STXBP5L: variants seen among roughly 807,000 people sequenced by gnomAD.
STXBP5L encodes the protein syntaxin binding protein 5L.
A neutral mutation model predicts 144.5 loss-of-function variants in STXBP5L; 65 were observed. That is an observed-to-expected ratio of 0.45 (90% CI 0.37 to 0.55). The LOEUF is 0.55. STXBP5L is among the 20% of genes least tolerant of loss of function. STXBP5L has a pLI of 0.00. For synonymous variants in STXBP5L, 505 were observed against 469.6 expected, an observed-to-expected ratio of 1.08 and a Z score of -0.97; for missense variants, 1,298 against 1,405.5, an observed-to-expected ratio of 0.92 and a Z score of 1.22.
chr3:121,034,145 A>G (rs896304729), intron 3 of STXBP5L, among the ~76,000 whole-genome samples: 1 of 151,988 alleles, frequency 6.6e-6, no homozygotes. Flanking sequence ...TTTTTTTCTG[A>G]AATTTATATA....
chr3:121,029,351 C>A (rs575350243), intron 3 of STXBP5L, among the ~76,000 whole-genome samples: 2 of 151,892 alleles, frequency 1.3e-5, no homozygotes, highest in Non-Finnish European at 2.9e-5. Context: ...CAATGGAACA[C>A]AACAGAGGCC....
At chr3:120,963,141 G>T (rs1939077938) in intron 3 of STXBP5L, among the ~76,000 whole-genome samples, 1 of 152,198 alleles carries the variant, frequency 6.6e-6, no homozygotes, top group Non-Finnish European at 1.5e-5. Flanking sequence ...CTGAGACTTT[G>T]CTGAAGTTGC....
At chr3:120,987,285 G>A (rs1021218175) in intron 3 of STXBP5L, among the ~76,000 whole-genome samples, 3 of 151,884 alleles carry the variant, frequency 2.0e-5, no homozygotes, top group Admixed American at 6.6e-5. Flanking sequence ...CCAGAATATT[G>A]TATTATCAGT....
At chr3:121,157,757 T>A in intron 9 of STXBP5L, 130 bp downstream of exon 9, 1 of 1,232,468 alleles carries the variant, frequency 8.1e-7, no homozygotes, top group Non-Finnish European at 1.1e-6. Flanking sequence ...AAACATCCCT[T>A]TTATACCACC....
intron 20 of STXBP5L, among the ~76,000 whole-genome samples, chr3:121,355,492 G>A (rs1035812683): frequency 6.6e-6 from 1 of 152,024 alleles, no homozygotes; most frequent in African/African-American, 2.4e-5. Context: ...ATTGAATCTT[G>A]TGCATGCATC....
intron 2 of STXBP5L, among the ~76,000 whole-genome samples, chr3:120,927,505 G>A (rs1425106167): frequency 6.6e-6 from 1 of 152,168 alleles, no homozygotes; most frequent in Non-Finnish European, 1.5e-5. Flanking sequence ...GTAGAGACAG[G>A]GCTCCTGTTA....
intron 7 of STXBP5L, among the ~76,000 whole-genome samples, chr3:121,150,787 CA>C (rs2045904207): frequency 6.6e-6 from 1 of 152,000 alleles, no homozygotes; most frequent in Admixed American, 6.6e-5. Flanking sequence ...CTCATACACT[CA>C]ATAAAGTTGG....
At chr3:121,032,446 T>C (rs1329356453) in intron 3 of STXBP5L, among the ~76,000 whole-genome samples, 1 of 152,128 alleles carries the variant, frequency 6.6e-6, no homozygotes, top group African/African-American at 2.4e-5. Context: ...GGTAATAAAT[T>C]CATGTGTTTT....
At chr3:121,275,193 T>C (rs964343334) in intron 18 of STXBP5L, among the ~76,000 whole-genome samples, 5 of 152,270 alleles carry the variant, frequency 3.3e-5, no homozygotes, top group African/African-American at 9.6e-5. Flanking sequence ...CCTCAAACTT[T>C]CTTATTTTTC....
Position 121,419,190 on chromosome 3 carries a change from C to A in STXBP5L, c.*93C>A. 1.6e-6 allele frequency: 2 copies of A among 1,239,646 alleles called. No individual in the cohort carries two copies. The highest frequency in any genetic ancestry group is 2.3e-6 in the Non-Finnish European group (2 of 881,060). The allele number at this position is 1,239,646 out of a possible 1,614,324, so 76.8% of individuals were successfully genotyped here. On this transcript the variant is annotated 3_prime_UTR_variant, in exon 27 of 27. Transcript: ENST00000471454. ...CTACTCAACTGCTAGAAGCCAGTTT[C>A]TTCTACAAAATGTTCCATTTACAGT...
chr3:121,355,786 T>G (rs2045488212), intron 20 of STXBP5L, among the ~76,000 whole-genome samples: 1 of 152,230 alleles, frequency 6.6e-6, no homozygotes, highest in South Asian at 2.1e-4. Context: ...TTTCGAATTT[T>G]CAGCTTTTCT....
At chr3:121,385,301 G>C (rs1016096807) in intron 22 of STXBP5L, among the ~76,000 whole-genome samples, 1 of 152,102 alleles carries the variant, frequency 6.6e-6, no homozygotes, top group East Asian at 1.9e-4. Flanking sequence ...AAGGCAAAGA[G>C]GGAACAGGCA....
intron 10 of STXBP5L, among the ~76,000 whole-genome samples, chr3:121,206,776 T>C (rs2048351602): frequency 1.3e-5 from 2 of 152,138 alleles, no homozygotes; most frequent in South Asian, 4.1e-4. Flanking sequence ...ATGCTGCCAC[T>C]GCCCTTCAAC....
intron 20 of STXBP5L, among the ~76,000 whole-genome samples, chr3:121,322,206 C>T (rs551535078): frequency 6.6e-6 from 1 of 152,266 alleles, no homozygotes; most frequent in South Asian, 2.1e-4. Flanking sequence ...TGGCTGGGCG[C>T]CGTGGCTCAC....
rs1291359499 is a variant in STXBP5L, at chr3:121,378,628, C to T, written c.2177-88C>T. ...TTTAGAAAATAAAGGAATTGTTGCT[C>T]ATCTTCATTTGTTAATCTACACGCT... is the stretch of plus-strand genomic sequence containing the variant. On this transcript the variant is annotated intron_variant, in intron 20 of 26. Transcript: ENST00000471454. 21 of 1,312,912 alleles carry T rather than the reference C, an allele frequency of 1.6e-5. No homozygotes were observed. In the South Asian group the frequency reaches 3.8e-4, roughly 24 times the overall value. The allele number at this position is 1,312,912 out of a possible 1,614,324, so 81.3% of individuals were successfully genotyped here.
chr3:121,037,626 T>C (rs1576737887), intron 3 of STXBP5L, among the ~76,000 whole-genome samples: 1 of 152,282 alleles, frequency 6.6e-6, no homozygotes, highest in South Asian at 2.1e-4. Context: ...TTTCTTGTTT[T>C]ATGATATAGT....
At chr3:121,067,569 A>T (rs1236973546) in intron 5 of STXBP5L, among the ~76,000 whole-genome samples, 3 of 152,230 alleles carry the variant, frequency 2.0e-5, no homozygotes, top group East Asian at 1.9e-4. Context: ...ATGTGCACAA[A>T]CTAATTTTAC....
intron 3 of STXBP5L, among the ~76,000 whole-genome samples, chr3:120,979,465 C>CT (rs1941504091): frequency 6.6e-6 from 1 of 152,174 alleles, no homozygotes; most frequent in Non-Finnish European, 1.5e-5. Flanking sequence ...CTTTCTTTGA[C>CT]TAGGAAAGGG....
rs1414275361 is a variant in STXBP5L at position 120,954,922 on chromosome 3, T to C, written c.190-18T>C. The C allele has an allele frequency of 6.3e-7, 1 of 1,598,742 alleles. No individual in the cohort carries two copies. The highest frequency in any genetic ancestry group is 1.7e-4 in the Middle Eastern group (1 of 6,006). ...TTATTTCCCTAGAGACTTATTGGTA[T>C]TATTTGCTCTCTTTCAGACAGTTCG... On this transcript the variant is annotated intron_variant, in intron 2 of 26. Coordinates refer to ENST00000471454, the MANE Select transcript of STXBP5L (RefSeq NM_001308330.2).
Sources: gnomAD v4.1 joint callset for allele counts (sites outside exome capture counted in the v4.1 genomes callset) on GRCh38, gnomAD v4.1.1 for gene constraint, MANE v1.5 for transcripts, NCBI Gene and HGNC (gene_info 2026-07-23, HGNC 2026-07-21) for gene names.